Variants in STARD13 observed in about 807,000 individuals in gnomAD.
STARD13 encodes StAR related lipid transfer domain containing 13, also known as stAR-related lipid transfer protein 13.
In STARD13, 62 loss-of-function variants were observed where a neutral mutation model predicts 106.4. That is an observed-to-expected ratio of 0.58 (90% CI 0.48 to 0.72). The LOEUF (loss-of-function observed/expected upper bound fraction) is 0.72, where lower values mean the gene tolerates loss of function less well. Among genes scored for constraint, STARD13 ranks in the 30% least tolerant of loss-of-function variants. The pLI, the probability that STARD13 is intolerant of heterozygous loss-of-function variation, is 0.00. For synonymous variants in STARD13, 565 were observed against 553.0 expected (o/e 1.02, Z -0.31); for missense variants, 1,387 against 1,424.0 (o/e 0.97, Z 0.42).
intron 3 of STARD13, among the ~76,000 whole-genome samples, chr13:33,150,271 C>T (rs1408360163): frequency 1.3e-5 from 2 of 152,200 alleles, no homozygotes; most frequent in Non-Finnish European, 2.9e-5. Context: ...GTATGACAGG[C>T]TATGAGTTGC....
chr13:33,586,835 C>A, the STARD13 span, among the ~76,000 whole-genome samples: 1 of 152,154 alleles, frequency 6.6e-6, no homozygotes, highest in African/African-American at 2.4e-5. Context: ...CCTATTCTGA[C>A]ATTGGTTCTC....
chr13:33,419,311 A>G, the STARD13 span, among the ~76,000 whole-genome samples: 2 of 152,198 alleles, frequency 1.3e-5, no homozygotes, highest in Non-Finnish European at 2.9e-5. Context: ...CGAGAACTTC[A>G]TGACACATGC....
chr13:33,674,805 C>G, the STARD13 span, among the ~76,000 whole-genome samples: 1 of 152,058 alleles, frequency 6.6e-6, no homozygotes, highest in African/African-American at 2.4e-5. Context: ...CCTATTATTC[C>G]TTTTCATTTT....
rs146338948 is a variant in STARD13 at position 33,198,971 on chromosome 13, G to A, written c.170-31349C>T. 1.2e-3 allele frequency among the ~76,000 whole-genome samples: 181 copies of A among 152,172 alleles called. No individual in the cohort carries two copies. In the East Asian group the frequency reaches 0.023, roughly 19 times the overall value. ...CTAGCCCCCATCTCCTTTTCCAATC[G>A]CCTTTCCCAATGCAGTGATCTCTCC... is the stretch of plus-strand genomic sequence containing the variant. On this transcript the variant is annotated intron_variant, in intron 1 of 13. Transcript: ENST00000336934.
chr13:33,306,308 T>C (rs1390521634), intron 1 of STARD13, among the ~76,000 whole-genome samples: 2 of 152,142 alleles, frequency 1.3e-5, no homozygotes, highest in African/African-American at 4.8e-5. Flanking sequence ...CTTCCTTATA[T>C]CTTATACAAA....
chr13:33,572,783 C>T, the STARD13 span, among the ~76,000 whole-genome samples: 20 of 152,114 alleles, frequency 1.3e-4, no homozygotes, highest in African/African-American at 4.8e-4. Flanking sequence ...GTTTAATCCA[C>T]AAGAATTAAG....
intron 1 of STARD13, among the ~76,000 whole-genome samples, chr13:33,298,524 C>T (rs1036773946): frequency 1.3e-5 from 2 of 151,936 alleles, no homozygotes; most frequent in African/African-American, 2.4e-5. Flanking sequence ...CACCAAACCA[C>T]GCACCACCTT....
chr13:33,524,129 A>G, the STARD13 span: 2 of 478,174 alleles, frequency 4.2e-6, no homozygotes, highest in Non-Finnish European at 5.7e-6. Flanking sequence ...ACAAACAAGA[A>G]AAATAGATAA....
intron 1 of STARD13, among the ~76,000 whole-genome samples, chr13:33,216,589 T>A (rs1888056909): frequency 6.6e-6 from 1 of 152,052 alleles, no homozygotes; most frequent in African/African-American, 2.4e-5. Context: ...AGGTGAGGGA[T>A]AAAAGACTGC....
At chr13:33,217,387 G>T (rs142668397) in intron 1 of STARD13, among the ~76,000 whole-genome samples, 126 of 152,186 alleles carry the variant, frequency 8.3e-4, no homozygotes, top group African/African-American at 2.9e-3. Context: ...CCACTGCTTG[G>T]CCTCTTCAAA....
At chr13:33,497,181 A>G in the STARD13 span, among the ~76,000 whole-genome samples, 1 of 152,218 alleles carries the variant, frequency 6.6e-6, no homozygotes, top group African/African-American at 2.4e-5. Context: ...TCTAATTACC[A>G]TCCTGAAAAA....
intron 1 of STARD13, among the ~76,000 whole-genome samples, chr13:33,259,277 G>T (rs923779031): frequency 6.6e-6 from 1 of 152,232 alleles, no homozygotes; most frequent in African/African-American, 2.4e-5. Context: ...GATTGTTACA[G>T]TCCTTGTTTT....
chr13:33,583,779 C>T, the STARD13 span, among the ~76,000 whole-genome samples: 25 of 152,292 alleles, frequency 1.6e-4, no homozygotes, highest in Non-Finnish European at 3.2e-4. Context: ...TATCCGCAGT[C>T]CATGACCAAT....
At chr13:33,463,379 A>T in the STARD13 span, among the ~76,000 whole-genome samples, 4 of 152,224 alleles carry the variant, frequency 2.6e-5, no homozygotes, top group African/African-American at 9.6e-5. Context: ...GAAAAAGGTG[A>T]TAACTTCCAG....
intron 7 of STARD13, among the ~76,000 whole-genome samples, chr13:33,120,071 G>C (rs1417599677): frequency 1.3e-5 from 2 of 152,226 alleles, no homozygotes; most frequent in Admixed American, 6.5e-5. Flanking sequence ...TGCTGTACGA[G>C]AGTTCTCATA....
the STARD13 span, among the ~76,000 whole-genome samples, chr13:33,564,988 C>CA: frequency 9.1e-3 from 422 of 46,558 alleles, 12 homozygotes; most frequent in African/African-American, 0.019. Context: ...GACTCTGTCT[C>CA]AAAAAAAAAA....
the STARD13 span, among the ~76,000 whole-genome samples, chr13:33,538,731 G>C: frequency 6.6e-6 from 1 of 150,900 alleles, no homozygotes. Context: ...AAGATCCACA[G>C]ATGATCCAAA....
chr13:33,152,951 A>G (rs932238673), intron 3 of STARD13, among the ~76,000 whole-genome samples: 11 of 152,324 alleles, frequency 7.2e-5, no homozygotes, highest in Admixed American at 1.3e-4. Context: ...AGAGTAAGTG[A>G]TAAAGCCTAA....
At chr13:33,645,503 A>G in the STARD13 span, among the ~76,000 whole-genome samples, 1 of 152,230 alleles carries the variant, frequency 6.6e-6, no homozygotes, top group Admixed American at 6.5e-5. Flanking sequence ...GAAACAGATC[A>G]TGGACTCAAG....
Sources: allele counts gnomAD v4.1 joint callset (sites outside exome capture counted in the v4.1 genomes callset), GRCh38; gene constraint gnomAD v4.1.1; transcripts MANE v1.5; gene names NCBI Gene and HGNC (gene_info 2026-07-23, HGNC 2026-07-21).